Variants in PDE4D observed in about 807,000 individuals in gnomAD.
The protein encoded by PDE4D is phosphodiesterase 4D.
PDE4D carries 24 observed loss-of-function variants against 87.4 expected under a neutral mutation model. The observed-to-expected ratio is 0.27, with a 90% CI of 0.20 to 0.39. PDE4D has a LOEUF of 0.39. PDE4D is among the 10% of genes least tolerant of loss of function. The pLI, the probability that PDE4D is intolerant of heterozygous loss-of-function variation, is 1.00. For missense variants in PDE4D, 714 were observed against 1,041.0 expected (o/e 0.69, Z 4.32); for synonymous variants, 384 against 383.2 (o/e 1.00, Z -0.02).
chr5:59,149,978 G>A lies in PDE4D; in HGVS notation c.808+30617C>T, dbSNP rs185118310. 4.6e-5 allele frequency among the ~76,000 whole-genome samples: 7 copies of A among 152,106 alleles called. No individual in the cohort carries two copies. In the East Asian group the frequency reaches 1.4e-3, roughly 29 times the overall value. On this transcript the variant is annotated intron_variant, in intron 5 of 14. Coordinates refer to ENST00000340635, the MANE Select transcript of PDE4D (RefSeq NM_001104631.2). ...GCCATGGCTACACAAGAGGCCCCAG[G>A]CATTTCAAATTTGAATGAATATTTT... is the stretch of plus-strand genomic sequence containing the variant.
At chr5:59,208,766 A>G (rs80254372) in intron 2 of PDE4D, among the ~76,000 whole-genome samples, 1,523 of 152,292 alleles carry the variant, frequency 0.01, 28 homozygotes, top group African/African-American at 0.035. Context: ...ATTTTTTTAA[A>G]TCAGAAATAA....
chr5:59,529,115 C>T, intron 1 of PDE4D: 1 of 478,652 alleles, frequency 2.1e-6, no homozygotes, highest in Non-Finnish European at 4.2e-6. Context: ...CAGACTCACT[C>T]CTAAAACTCA....
chr5:59,133,720 A>G (rs186882208), intron 5 of PDE4D, among the ~76,000 whole-genome samples: 161 of 152,174 alleles, frequency 1.1e-3, no homozygotes, highest in African/African-American at 3.5e-3. Context: ...CAATTGCCTC[A>G]TGTTTTCCAC....
At chr5:59,370,521 C>T (rs1562048279) in intron 1 of PDE4D, among the ~76,000 whole-genome samples, 2 of 152,176 alleles carry the variant, frequency 1.3e-5, no homozygotes, top group African/African-American at 4.8e-5. Context: ...GTCAGTTTAA[C>T]AGACAGGGAT....
intron 1 of PDE4D, among the ~76,000 whole-genome samples, chr5:59,385,134 C>T (rs1786718984): frequency 6.6e-6 from 1 of 152,140 alleles, no homozygotes; most frequent in African/African-American, 2.4e-5. Flanking sequence ...TGTACTCTTG[C>T]TTCAATCTGT....
At chr5:60,019,077 A>G (rs578087035) in intron 2 of PDE4D, among the ~76,000 whole-genome samples, 2 of 152,172 alleles carry the variant, frequency 1.3e-5, no homozygotes, top group Non-Finnish European at 2.9e-5. Context: ...TCAATCACAT[A>G]ATTGGAAGTA....
intron 1 of PDE4D, among the ~76,000 whole-genome samples, chr5:59,585,868 C>T (rs1392147740): frequency 6.6e-6 from 1 of 152,214 alleles, no homozygotes; most frequent in Non-Finnish European, 1.5e-5. Flanking sequence ...GGCACCAACA[C>T]ATTTTAGCAT....
intron 1 of PDE4D, among the ~76,000 whole-genome samples, chr5:59,558,201 C>T (rs1033839286): frequency 6.6e-6 from 1 of 152,048 alleles, no homozygotes; most frequent in Admixed American, 6.6e-5. Context: ...TGTTGGAGTT[C>T]ACATTCCAGT....
chr5:59,387,275 T>C (rs1385744010), intron 1 of PDE4D, among the ~76,000 whole-genome samples: 1 of 152,190 alleles, frequency 6.6e-6, no homozygotes, highest in Non-Finnish European at 1.5e-5. Flanking sequence ...TATATCAGTT[T>C]AATTTTATGA....
intron 1 of PDE4D, among the ~76,000 whole-genome samples, chr5:59,620,708 G>C (rs551454003): frequency 6.6e-6 from 1 of 152,172 alleles, no homozygotes; most frequent in South Asian, 2.1e-4. Context: ...ACCAAAGCAT[G>C]AATACTTTTA....
intron 2 of PDE4D, among the ~76,000 whole-genome samples, chr5:60,098,466 T>G (rs1489655338): frequency 6.6e-6 from 1 of 151,944 alleles, no homozygotes; most frequent in African/African-American, 2.4e-5. Context: ...ATCAATGCCT[T>G]ATAGTTTTCA....
intron 5 of PDE4D, among the ~76,000 whole-genome samples, chr5:59,133,753 C>T (rs574332798): frequency 2.0e-5 from 3 of 152,228 alleles, no homozygotes; most frequent in South Asian, 2.1e-4. Context: ...GCGGGCTTAG[C>T]GTGGGCAATG....
chr5:59,070,665 AC>A (rs1451692549), intron 5 of PDE4D, among the ~76,000 whole-genome samples: 1 of 152,014 alleles, frequency 6.6e-6, no homozygotes, highest in East Asian at 1.9e-4. Flanking sequence ...TACCCTGATT[AC>A]CTTTTTTTCT....
chr5:60,018,347 T>C (rs1345073002), intron 2 of PDE4D, among the ~76,000 whole-genome samples: 1 of 152,084 alleles, frequency 6.6e-6, no homozygotes, highest in Non-Finnish European at 1.5e-5. Flanking sequence ...AAGGAAGCAC[T>C]ATGTAAAGGA....
intron 2 of PDE4D, among the ~76,000 whole-genome samples, chr5:60,039,247 C>A (rs1273648541): frequency 2.6e-5 from 4 of 152,090 alleles, no homozygotes; most frequent in Non-Finnish European, 5.9e-5. Flanking sequence ...CCATGCAATA[C>A]TATGCAGCCA....
rs191118522 is a variant in PDE4D, at chr5:59,690,251, G to A, written c.455+202917C>T. 2.4e-3 allele frequency among the ~76,000 whole-genome samples: 366 copies of A among 152,154 alleles called. 2 individuals carry two copies. The highest frequency in any genetic ancestry group is 3.6e-3 in the Non-Finnish European group (243 of 67,976). On this transcript the variant is annotated intron_variant, in intron 1 of 14. Coordinates refer to ENST00000340635, the MANE Select transcript of PDE4D (RefSeq NM_001104631.2). ...TTTATGTGGAACCAAAAAAGAGCCCGCATTGCCAAGACAATCCTAAGCCAA... is the reference window on the plus strand; with the variant it reads ...TTTATGTGGAACCAAAAAAGAGCCCACATTGCCAAGACAATCCTAAGCCAA...
At chr5:59,605,457 T>C (rs1828069457) in intron 1 of PDE4D, among the ~76,000 whole-genome samples, 1 of 152,088 alleles carries the variant, frequency 6.6e-6, no homozygotes, top group Admixed American at 6.6e-5. Flanking sequence ...CTTTCTTCTT[T>C]TATTCTCCAA....
At chr5:59,507,678 A>G (rs1180015303) in intron 1 of PDE4D, among the ~76,000 whole-genome samples, 3 of 148,470 alleles carry the variant, frequency 2.0e-5, no homozygotes, top group Non-Finnish European at 4.5e-5. Flanking sequence ...AAAAAAAAAA[A>G]AAAAAGAAAA....
chr5:59,144,022 C>T (rs2153456644), intron 5 of PDE4D, among the ~76,000 whole-genome samples: 1 of 152,296 alleles, frequency 6.6e-6, no homozygotes, highest in Non-Finnish European at 1.5e-5. Context: ...TCACTTTAAT[C>T]CAATTATAGC....
Sources: gnomAD v4.1 joint callset for allele counts (sites outside exome capture counted in the v4.1 genomes callset) on GRCh38, gnomAD v4.1.1 for gene constraint, MANE v1.5 for transcripts, NCBI Gene and HGNC (gene_info 2026-07-23, HGNC 2026-07-21) for gene names.